The following MYOM1 variants were observed in gnomAD, a reference collection of about 807,000 sequenced individuals.
The protein encoded by MYOM1 is myomesin-1.
In MYOM1, 164 loss-of-function variants were observed where a neutral mutation model predicts 205.3. The ratio of observed to expected loss-of-function variants is 0.80; its 90% CI spans 0.70 to 0.91. The LOEUF (loss-of-function observed/expected upper bound fraction) is 0.91. MYOM1 is among the 40% of genes least tolerant of loss of function. The pLI, the probability that MYOM1 is intolerant of heterozygous loss-of-function variation, is 0.00. For synonymous variants in MYOM1, 772 were observed against 789.4 expected (o/e 0.98, Z 0.37); for missense variants, 2,011 against 2,127.3 (o/e 0.95, Z 1.08).
chr18:3,095,063 A>G (rs2143730646), intron 25 of MYOM1, among the ~76,000 whole-genome samples: 1 of 152,238 alleles, frequency 6.6e-6, no homozygotes, highest in African/African-American at 2.4e-5. Flanking sequence ...GTTTCAAGGG[A>G]TGATTTTCTT....
Position 3,113,298 on chromosome 18 carries a change from CTATATATATATATATATATATATATA to C in MYOM1, c.3304-912_3304-887del, listed in dbSNP as rs70964105. ...TATATATGTGTGTATGTGTTTGTGT[CTATATATATATATATATATATATATA>C]TATATATATATGTATGTATTTCTGA... On this transcript the variant is annotated intron_variant, in intron 21 of 37. Transcript: ENST00000356443. Among the ~76,000 whole-genome samples, 18 of 145,324 alleles carry C rather than the reference CTATATATATATATATATATATATATA, an allele frequency of 1.2e-4. 1 individual carries two copies. The highest frequency in any genetic ancestry group is 1.2e-3 in the Admixed American group (17 of 14,580).
intron 12 of MYOM1, 106 bp from the exon 13 acceptor site, chr18:3,149,307 T>G: frequency 1.2e-6 from 1 of 858,422 alleles, no homozygotes; most frequent in Non-Finnish European, 1.9e-6. Flanking sequence ...CTGGGTTTGT[T>G]ACTAATAGAC....
At chr18:3,116,212 A>T in intron 21 of MYOM1, 119 bp downstream of exon 21, 2 of 1,067,694 alleles carry the variant, frequency 1.9e-6, no homozygotes, top group Non-Finnish European at 2.7e-6. Flanking sequence ...GAATCTTACC[A>T]GGAGCCCAAT....
Position 3,215,159 on chromosome 18 carries a change from A to G in MYOM1, c.65T>C (p.Val22Ala), listed in dbSNP as rs113162857. ...HYDLSYRNKD[V>A]RSTVSHYQRE... ...CTGGTAGTGACTCACGGTGCTGCGC[A>G]CGTCCTTGTTGCGGTAGCTGAGATC... The change falls in exon 2 of 38, where the codon GTG becomes GCG. Residue 22 changes from valine (V) to alanine (A), a missense_variant. Val to Ala is a moderately conservative substitution (Grantham distance 64, BLOSUM62 0). Coordinates refer to ENST00000356443, the MANE Select transcript of MYOM1 (RefSeq NM_003803.4). 8.7e-6 allele frequency: 14 copies of G among 1,613,658 alleles called. No homozygotes were observed. The highest frequency in any genetic ancestry group is 1.7e-5 in the Admixed American group (1 of 59,972).
At chr18:3,081,127 T>G in intron 33 of MYOM1, among the ~76,000 whole-genome samples, 1 of 144,474 alleles carries the variant, frequency 6.9e-6, no homozygotes, top group Non-Finnish European at 1.5e-5. Flanking sequence ...TGAGACTCCG[T>G]CTCAAAAAAA....
At chr18:3,211,747 G>A (rs189660547) in intron 2 of MYOM1, among the ~76,000 whole-genome samples, 42 of 152,222 alleles carry the variant, frequency 2.8e-4, no homozygotes, top group African/African-American at 8.9e-4. Flanking sequence ...TACTGCAAGC[G>A]CACTGACAGT....
At chr18:3,238,172 A>G in the MYOM1 span, among the ~76,000 whole-genome samples, 1 of 152,114 alleles carries the variant, frequency 6.6e-6, no homozygotes, top group Non-Finnish European at 1.5e-5. Context: ...GTGATGGGAG[A>G]CAGTGACAGA....
At chr18:3,207,422 GTTTC>G (rs2081137502) in intron 2 of MYOM1, among the ~76,000 whole-genome samples, 1 of 152,194 alleles carries the variant, frequency 6.6e-6, no homozygotes, top group Admixed American at 6.5e-5. Context: ...GTCTAAGGTT[GTTTC>G]TTTGTGAACT....
rs746607099 is a variant in MYOM1, at chr18:3,084,902, ACT to A, written c.4339+141_4339+142del. 1.0e-3 allele frequency: 629 copies of A among 604,744 alleles called. 2 individuals are homozygous for A. Among genetic ancestry groups the A allele is most frequent in the Non-Finnish European group, 1.5e-3 (522 of 343,652 alleles). The allele number at this position is 604,744 out of a possible 1,614,324, so 37.5% of individuals were successfully genotyped here. A position where few individuals can be genotyped will look rare whatever the true frequency, so the allele number is the denominator to read the frequency against. ...GAGGTATTTTTGAATAAAACAGTTCACTCTGTTGGAATTTCAATTAAGCCAAA... is the reference window on the plus strand; with the variant it reads ...GAGGTATTTTTGAATAAAACAGTTCACTGTTGGAATTTCAATTAAGCCAAA... On this transcript the variant is annotated intron_variant, in intron 31 of 37. Coordinates refer to ENST00000356443, the MANE Select transcript of MYOM1 (RefSeq NM_003803.4).
In MYOM1 at chr18:3,083,872, T is replaced by A. The variant is rs750104717; in HGVS notation, c.4401A>T (p.Lys1467Asn). The A allele has an allele frequency of 3.2e-6, 5 of 1,582,794 alleles. No individual in the cohort carries two copies. In the South Asian group the frequency reaches 5.8e-5, roughly 18 times the overall value. ...GGATGCCCTCGGCTGTGCTCTGGAT[T>A]TTCAGGTCTGTAGCAGACAAAGCTG... ...KKIALSATDL[K>N]IQSTAEGIQL... is the part of the protein sequence containing the mutation. The change falls in exon 33 of 38, where the codon AAA becomes AAT. Residue 1467 changes from lysine (K) to asparagine (N), a missense_variant. Physicochemically the swap from Lys to Asn is moderately conservative, Grantham distance 94. Transcript: ENST00000356443.
chr18:3,146,976 T>C (rs2080131845), intron 13 of MYOM1, among the ~76,000 whole-genome samples: 1 of 149,538 alleles, frequency 6.7e-6, no homozygotes, highest in African/African-American at 2.4e-5. Context: ...TTCTTTATAC[T>C]AGCATAAAAA....
the MYOM1 span, among the ~76,000 whole-genome samples, chr18:3,238,286 G>A: frequency 6.6e-6 from 1 of 152,092 alleles, no homozygotes; most frequent in African/African-American, 2.4e-5. Flanking sequence ...AGCCACTGCC[G>A]ATCTGACAGC....
chr18:3,151,686 G>GC lies in MYOM1; in HGVS notation c.1843+7_1843+8insG. On this transcript the variant is annotated splice_region_variant and intron_variant, in intron 12 of 37. Transcript: ENST00000356443. ...TAGGGAAGGTCCTGAAAAATGAAAAGTGCTTACTTTTAAGTCTAGCTTTCT... is the reference window on the plus strand; with the variant it reads ...TAGGGAAGGTCCTGAAAAATGAAAAGCTGCTTACTTTTAAGTCTAGCTTTCT... The GC allele has an allele frequency of 6.2e-7, 1 of 1,608,460 alleles. No homozygotes were observed. Among genetic ancestry groups the GC allele is most frequent in the Non-Finnish European group, 8.5e-7 (1 of 1,176,772 alleles).
Position 3,135,771 on chromosome 18 carries a change from C to T in MYOM1, c.2026-41G>A, listed in dbSNP as rs778391774. On this transcript the variant is annotated intron_variant, in intron 14 of 37. Transcript: ENST00000356443. The surrounding 1 kb of genome is among the most constrained non-coding windows in gnomAD (Gnocchi z 4.1). ...GGAAACCCATTGAAAGCACAGCAAA[C>T]ACAAGCGAGAATCCAGGCCAGGCAA... 5.0e-6 allele frequency: 8 copies of T among 1,607,596 alleles called. No homozygotes were observed. The African/African-American group carries it at 1.1e-4, about 21-fold the overall frequency.
chr18:3,197,868 A>G (rs529838592), intron 2 of MYOM1, among the ~76,000 whole-genome samples: 86 of 151,770 alleles, frequency 5.7e-4, no homozygotes, highest in South Asian at 1.9e-3. Flanking sequence ...GCGAGACTCC[A>G]TCTCAAAAAA....
the MYOM1 span, among the ~76,000 whole-genome samples, chr18:3,229,925 G>A: frequency 8.2e-5 from 11 of 134,116 alleles, no homozygotes; most frequent in Admixed American, 1.0e-3. Context: ...GCAGTGAGCC[G>A]AGATTGCGCC....
the MYOM1 span, among the ~76,000 whole-genome samples, chr18:3,227,881 G>A: frequency 6.6e-6 from 1 of 152,128 alleles, no homozygotes; most frequent in African/African-American, 2.4e-5. Flanking sequence ...ATACAACAGT[G>A]TAAATGTACT....
chr18:3,220,031 G>A (rs2081313336), upstream of MYOM1: 2 of 152,404 alleles, frequency 1.3e-5, no homozygotes, highest in African/African-American at 2.4e-5. Context: ...AGCAGCAGAT[G>A]GGGAGGGTAG....
intron 30 of MYOM1, 36 bp downstream of exon 30, chr18:3,086,002 G>A (rs776318454): frequency 6.8e-6 from 9 of 1,316,866 alleles, no homozygotes; most frequent in East Asian, 2.3e-5. Context: ...AGGGTAGAGA[G>A]CTAATATATT....
Sources: gnomAD v4.1 joint callset for allele counts (sites outside exome capture counted in the v4.1 genomes callset) on GRCh38, gnomAD v4.1.1 for gene constraint, Gnocchi (gnomAD v3.1) non-coding constraint, MANE v1.5 for transcripts, NCBI Gene and HGNC (gene_info 2026-07-23, HGNC 2026-07-21) for gene names.